LEPR: variants seen among roughly 807,000 people sequenced by gnomAD.
LEPR encodes the protein OB receptor.
Under a neutral mutation model 114.7 loss-of-function variants are expected in LEPR, and 56 were observed. That is an observed-to-expected ratio of 0.49 (90% CI 0.39 to 0.61). LEPR has a LOEUF of 0.61. Among genes scored for constraint, LEPR ranks in the 20% least tolerant of loss-of-function variants. The probability of loss-of-function intolerance (pLI) is 0.00; values close to 1 mark genes in which losing one functional copy is unlikely to be tolerated. For missense variants in LEPR, 1,202 were observed against 1,352.9 expected, an observed-to-expected ratio of 0.89 and a Z score of 1.75; for synonymous variants, 443 against 461.4, an observed-to-expected ratio of 0.96 and a Z score of 0.51.
chr1:65,450,241 A>T (rs1646765200), intron 2 of LEPR, among the ~76,000 whole-genome samples: 1 of 150,128 alleles, frequency 6.7e-6, no homozygotes, highest in African/African-American at 2.4e-5. Context: ...TAGTCCATAG[A>T]TTTTTTTTTT....
At chr1:65,533,821 A>G (rs748192691) in intron 2 of LEPR, among the ~76,000 whole-genome samples, 1 of 152,104 alleles carries the variant, frequency 6.6e-6, no homozygotes, top group Non-Finnish European at 1.5e-5. Flanking sequence ...CTTGATTTCT[A>G]ATGTTTCTTT....
chr1:65,635,484 A>T (rs1289690592), intron 19 of LEPR: 1 of 613,000 alleles, frequency 1.6e-6, no homozygotes, highest in Non-Finnish European at 2.0e-6. Context: ...TTTTTACGTG[A>T]AGTTATTTAT....
At chr1:65,486,586 A>G (rs1250573377) in intron 2 of LEPR, 1 of 152,216 alleles carries the variant, frequency 6.6e-6, no homozygotes, top group East Asian at 1.9e-4. Flanking sequence ...ACACTTGGCC[A>G]TGACTTGTTG....
chr1:65,421,335 A>G, intron 1 of LEPR: 2 of 1,534,402 alleles, frequency 1.3e-6, no homozygotes, highest in Non-Finnish European at 1.7e-6. Context: ...CAGAGAAGAA[A>G]CCAGTGTGTG....
rs535028561 is a variant in LEPR, at chr1:65,627,570, T to C, written c.2673+4589T>C. Among the ~76,000 whole-genome samples, 9 of 152,270 alleles carry C rather than the reference T, an allele frequency of 5.9e-5. No individual in the cohort carries two copies. In the East Asian group the frequency reaches 1.7e-3, roughly 29 times the overall value. ...TGACAATTCTTCAAAAGGTTAAACA[T>C]AGAATTATTATATGATCCAGTAATT... On this transcript the variant is annotated intron_variant, in intron 19 of 19. Transcript: ENST00000349533.
intron 3 of LEPR, among the ~76,000 whole-genome samples, chr1:65,569,311 T>C (rs1425316389): frequency 2.0e-5 from 3 of 152,252 alleles, no homozygotes; most frequent in Non-Finnish European, 2.9e-5. Flanking sequence ...GAATTCGTAT[T>C]CTGCATTAGT....
chr1:65,598,172 G>A (rs1265328921), intron 7 of LEPR, among the ~76,000 whole-genome samples: 2 of 141,600 alleles, frequency 1.4e-5, no homozygotes, highest in Non-Finnish European at 3.0e-5. Context: ...GGGCTCAAGT[G>A]GTCTACCCAC....
intron 2 of LEPR, among the ~76,000 whole-genome samples, chr1:65,491,937 A>G (rs1180295784): frequency 6.6e-6 from 1 of 152,116 alleles, no homozygotes; most frequent in African/African-American, 2.4e-5. Context: ...CAAGCTATCC[A>G]TTCACTGCAG....
chr1:65,598,653 T>A lies in LEPR; in HGVS notation c.850-7T>A. 1 of 1,612,732 alleles carries A rather than the reference T, an allele frequency of 6.2e-7. No homozygotes were observed. Among genetic ancestry groups the A allele is most frequent in the Non-Finnish European group, 8.5e-7 (1 of 1,179,474 alleles). On this transcript the variant is annotated splice_polypyrimidine_tract_variant and splice_region_variant and intron_variant, in intron 7 of 19. Coordinates refer to ENST00000349533, the MANE Select transcript of LEPR (RefSeq NM_002303.6). ...ATGTTCTGATGTTTTAATATAATAT[T>A]TAACAGGCTGACAAGATTGTCTCAG...
Position 65,619,952 on chromosome 1 carries a change from A to G in LEPR, c.2420A>G (p.Tyr807Cys). 3.7e-6 allele frequency: 6 copies of G among 1,612,410 alleles called. No individual in the cohort carries two copies. The highest frequency in any genetic ancestry group is 4.2e-6 in the Non-Finnish European group (5 of 1,178,792). ...IHDHFIPIEK[Y>C]QFSLYPIFME... ...GATCATTTTATCCCCATTGAGAAGT[A>G]CCAGTTCAGTCTTTACCCAATATTT... Residue 807 changes from tyrosine (Y) to cysteine (C), a missense_variant, in exon 17 of 20, where the codon TAC (tyrosine) becomes TGC (cysteine). Tyr to Cys is a radical substitution (Grantham distance 194). Coordinates refer to ENST00000349533, the MANE Select transcript of LEPR (RefSeq NM_002303.6).
At chr1:65,447,257 A>C (rs2100306743) in intron 2 of LEPR, among the ~76,000 whole-genome samples, 1 of 152,080 alleles carries the variant, frequency 6.6e-6, no homozygotes, top group South Asian at 2.1e-4. Context: ...CATTTGAGTT[A>C]ATTTTTTGTA....
chr1:65,633,850 C>T lies in LEPR; in HGVS notation c.2674-2341C>T. 1 of 985,408 alleles carries T rather than the reference C, an allele frequency of 1.0e-6. No homozygotes were observed. Among genetic ancestry groups the T allele is most frequent in the Non-Finnish European group, 1.2e-6 (1 of 829,954 alleles). 61.0% of individuals were successfully genotyped at this position (985,408 alleles called of 1,614,324 possible). Reference sequence around the variant, plus strand: ...GAAGCCCGAAGTTGTGTTTGTGCTGCCCACAGGACAGTGGGAGTTACAGTT... The same window carrying T: ...GAAGCCCGAAGTTGTGTTTGTGCTGTCCACAGGACAGTGGGAGTTACAGTT... On this transcript the variant is annotated intron_variant, in intron 19 of 19. Transcript: ENST00000349533. This position sits in a 1 kb window ranked among gnomAD's most constrained non-coding sequence, Gnocchi z 4.1.
chr1:65,470,306 C>T (rs1425569521), intron 2 of LEPR, among the ~76,000 whole-genome samples: 1 of 152,200 alleles, frequency 6.6e-6, no homozygotes, highest in Admixed American at 6.6e-5. Context: ...GTAAGCCCCT[C>T]ACGGTGAAAG....
rs778950934 is a variant in LEPR, at chr1:65,636,284, A to G, written c.2767A>G (p.Ser923Gly). 1 of 1,613,920 alleles carries G rather than the reference A, an allele frequency of 6.2e-7. No homozygotes were observed. The highest frequency in any genetic ancestry group is 1.3e-5 in the African/African-American group (1 of 74,916). ...LEPETISEDI[S>G]VDTSWKNKDE... is the part of the protein sequence containing the mutation. ...GCCTGAAACAATTTCAGAAGATATCAGTGTTGATACATCATGGAAAAATAA... is the reference window on the plus strand; with the variant it reads ...GCCTGAAACAATTTCAGAAGATATCGGTGTTGATACATCATGGAAAAATAA... Residue 923 changes from serine to glycine, a missense_variant, in exon 20 of 20, where the codon AGT becomes GGT. Coordinates refer to ENST00000349533, the MANE Select transcript of LEPR (RefSeq NM_002303.6).
At chr1:65,565,851 A>G (rs1653707344) in intron 3 of LEPR, among the ~76,000 whole-genome samples, 1 of 151,896 alleles carries the variant, frequency 6.6e-6, no homozygotes, top group African/African-American at 2.4e-5. Context: ...TCTCTCACAC[A>G]CACACACACA....
At chr1:65,558,470 C>T (rs1652986919) in intron 2 of LEPR, among the ~76,000 whole-genome samples, 2 of 131,236 alleles carry the variant, frequency 1.5e-5, no homozygotes, top group South Asian at 5.1e-4. Flanking sequence ...TGCCAATTCT[C>T]AGATATGAGT....
At chr1:65,454,311 C>T (rs377750870) in intron 2 of LEPR, among the ~76,000 whole-genome samples, 4 of 151,916 alleles carry the variant, frequency 2.6e-5, no homozygotes, top group African/African-American at 4.8e-5. Context: ...ATGTGTGAAT[C>T]TGATCCTGTC....
At chr1:65,435,201 T>TA in intron 2 of LEPR, 1 of 985,432 alleles carries the variant, frequency 1.0e-6, no homozygotes, top group Non-Finnish European at 1.2e-6. Context: ...TTCTTCCACT[T>TA]AAGAACTCAT....
chr1:65,469,955 T>A (rs199514336), intron 2 of LEPR, among the ~76,000 whole-genome samples: 5 of 152,176 alleles, frequency 3.3e-5, no homozygotes, highest in African/African-American at 1.2e-4. Context: ...TGATGTGAGA[T>A]TAGGTCAGAG....
Sources: gnomAD v4.1 joint callset for allele counts (sites outside exome capture counted in the v4.1 genomes callset) on GRCh38, gnomAD v4.1.1 for gene constraint, Gnocchi (gnomAD v3.1) non-coding constraint, MANE v1.5 for transcripts, NCBI Gene and HGNC (gene_info 2026-07-23, HGNC 2026-07-21) for gene names.